The following FAT3 variants were observed in gnomAD, a reference collection of about 807,000 sequenced individuals.
The protein encoded by FAT3 is protocadherin Fat 3.
FAT3 carries 95 observed loss-of-function variants against 310.2 expected under a neutral mutation model. The ratio of observed to expected loss-of-function variants is 0.31; its 90% CI spans 0.26 to 0.36. FAT3 has a LOEUF of 0.36. Among genes scored for constraint, FAT3 ranks in the 10% least tolerant of loss-of-function variants. The probability of loss-of-function intolerance (pLI) is 1.00; values close to 1 mark genes in which losing one functional copy is unlikely to be tolerated. For missense variants in FAT3, 5,408 were observed against 5,715.6 expected (o/e 0.95, Z 1.74); for synonymous variants, 2,314 against 2,192.9 (o/e 1.06, Z -1.54).
At chr11:92,595,593 A>G (rs1345393884) in intron 3 of FAT3, among the ~76,000 whole-genome samples, 1 of 152,204 alleles carries the variant, frequency 6.6e-6, no homozygotes, top group Non-Finnish European at 1.5e-5. Context: ...AGAAAAGAAC[A>G]AGACCTTTGT....
At chr11:92,873,948 T>TC (rs1949458124) in intron 22 of FAT3, among the ~76,000 whole-genome samples, 1 of 152,206 alleles carries the variant, frequency 6.6e-6, no homozygotes, top group African/African-American at 2.4e-5. Flanking sequence ...GTGAAACCCA[T>TC]CTTATTGACG....
At chr11:92,567,389 G>C (rs1165077974) in intron 3 of FAT3, among the ~76,000 whole-genome samples, 1 of 150,796 alleles carries the variant, frequency 6.6e-6, no homozygotes, top group Non-Finnish European at 1.5e-5. Context: ...GGAATCAACA[G>C]GTGCTGGAGA....
intron 3 of FAT3, among the ~76,000 whole-genome samples, chr11:92,571,851 G>A (rs537670686): frequency 9.2e-5 from 14 of 152,194 alleles, no homozygotes; most frequent in South Asian, 8.3e-4. Flanking sequence ...TCACTATCCC[G>A]TTTTTTCTCA....
chr11:92,491,364 G>A (rs1952593158), intron 2 of FAT3, among the ~76,000 whole-genome samples: 1 of 152,024 alleles, frequency 6.6e-6, no homozygotes, highest in South Asian at 2.1e-4. Flanking sequence ...GCAATACACA[G>A]GAGAGCCCTA....
chr11:92,679,061 C>T (rs985773557), intron 3 of FAT3, among the ~76,000 whole-genome samples: 2 of 152,230 alleles, frequency 1.3e-5, no homozygotes, highest in South Asian at 4.1e-4. Flanking sequence ...ATTTGACATT[C>T]TTTGGCTGGC....
intron 2 of FAT3, among the ~76,000 whole-genome samples, chr11:92,493,663 T>C (rs1409424703): frequency 6.6e-6 from 1 of 152,066 alleles, no homozygotes; most frequent in Non-Finnish European, 1.5e-5. Context: ...GATTTTTGAG[T>C]TCCTAGGTGA....
chr11:92,895,919 T>TACACACACACACACACACACAC lies in FAT3; in HGVS notation c.*4827_*4828insCACACACACACACACACACACA, dbSNP rs3029101. On this transcript the variant is annotated 3_prime_UTR_variant, in exon 28 of 28. Transcript: ENST00000525166. ...TTGGTCTGCAAACTTTTGAGGTAAC[T>TACACACACACACACACACACAC]ACACACACACACACACACACAAGGA... The TACACACACACACACACACACAC allele has an allele frequency of 6.7e-6, 1 of 149,924 alleles. No individual in the cohort carries two copies. The highest frequency in any genetic ancestry group is 1.5e-5 in the Non-Finnish European group (1 of 67,492). The allele number at this position is 149,924 out of a possible 1,614,324, so 9.3% of individuals were successfully genotyped here.
intron 2 of FAT3, among the ~76,000 whole-genome samples, chr11:92,484,489 G>T (rs914152983): frequency 2.0e-5 from 3 of 152,100 alleles, no homozygotes. Context: ...ACTCAAAATC[G>T]TTCTGGGAAA....
At chr11:92,813,764 G>A (rs897351399) in intron 13 of FAT3, among the ~76,000 whole-genome samples, 2 of 152,188 alleles carry the variant, frequency 1.3e-5, no homozygotes, top group African/African-American at 4.8e-5. Context: ...TCCTGCTGAA[G>A]ATCATTGGCT....
At chr11:92,473,752 A>C (rs1280370417) in intron 2 of FAT3, among the ~76,000 whole-genome samples, 1 of 152,220 alleles carries the variant, frequency 6.6e-6, no homozygotes, top group South Asian at 2.1e-4. Context: ...TCTCACAGAG[A>C]AAAAGACCTT....
chr11:92,437,678 G>C (rs638465), intron 2 of FAT3, among the ~76,000 whole-genome samples: 131,977 of 152,162 alleles, frequency 0.87, 57,302 homozygotes, highest in Admixed American at 0.89. Context: ...GTAAAGAAGA[G>C]ACAGAGGCAG....
At position 92,836,670 on chromosome 11, in the gene FAT3, T is replaced by C. The variant is rs768417542; in HGVS notation, c.10191T>C (p.Leu3397=). Residue 3397 remains leucine (L), a synonymous_variant, in exon 16 of 28, where the codon CTT becomes CTC. Coordinates refer to ENST00000525166, the MANE Select transcript of FAT3 (RefSeq NM_001367949.2). ...TTACTGTAGATCCTGTCTTGGGACTTGTGAAAGTTAAGAAGAAATTGGACC... is the reference window on the plus strand; with the variant it reads ...TTACTGTAGATCCTGTCTTGGGACTCGTGAAAGTTAAGAAGAAATTGGACC... ...NEFTVDPVLG[L]VKVKKKLDRE... The C allele has an allele frequency of 1.2e-5, 19 of 1,613,344 alleles. No individual in the cohort carries two copies. The highest frequency in any genetic ancestry group is 2.7e-5 in the African/African-American group (2 of 74,882).
Position 92,720,269 on chromosome 11 carries a change from C to G in FAT3, c.3669+22824C>G, listed in dbSNP as rs149908087. Among the ~76,000 whole-genome samples, 455 of 152,280 alleles carry G rather than the reference C, an allele frequency of 3.0e-3. 2 individuals are homozygous for G. The highest frequency in any genetic ancestry group is 0.01 in the African/African-American group (424 of 41,548). On this transcript the variant is annotated intron_variant, in intron 4 of 27. Transcript: ENST00000525166. ...AATTACCAATTGATCTTCACGAGCACTTTAATATCTTTGAATCTCTGGGAT... is the reference window on the plus strand; with the variant it reads ...AATTACCAATTGATCTTCACGAGCAGTTTAATATCTTTGAATCTCTGGGAT...
intron 19 of FAT3, among the ~76,000 whole-genome samples, chr11:92,853,745 A>G (rs1456530313): frequency 6.6e-6 from 1 of 152,176 alleles, no homozygotes; most frequent in Non-Finnish European, 1.5e-5. Flanking sequence ...TGCAGCTGCT[A>G]GTCTGGATAT....
intron 3 of FAT3, among the ~76,000 whole-genome samples, chr11:92,629,973 T>A (rs1490514457): frequency 6.6e-6 from 1 of 152,208 alleles, no homozygotes; most frequent in Admixed American, 6.5e-5. Flanking sequence ...TTTGTTTTTT[T>A]TAGCAAGCTC....
rs778461689 is a variant in FAT3, at chr11:92,866,777, G to A, written c.11695G>A (p.Gly3899Ser). The A allele has an allele frequency of 4.3e-6, 7 of 1,613,592 alleles. No homozygotes were observed. The highest frequency in any genetic ancestry group is 4.5e-5 in the East Asian group (2 of 44,876). ...DGKLWFQLDCGSGPGILGISG... is the reference protein window; with the variant it reads ...DGKLWFQLDCSSGPGILGISG... ...CAAGCTGTGGTTCCAGCTGGACTGC[G>A]GCAGCGGCCCTGGAATCTTGGGCAT... is the stretch of plus-strand genomic sequence containing the variant. Residue 3899 changes from glycine to serine, a missense_variant, in exon 22 of 28, where the codon GGC becomes AGC. Physicochemically the swap from Gly to Ser is moderately conservative, Grantham distance 56 (BLOSUM62 0). Coordinates refer to ENST00000525166, the MANE Select transcript of FAT3 (RefSeq NM_001367949.2).
chr11:92,828,221 C>G (rs538215286), intron 13 of FAT3, among the ~76,000 whole-genome samples: 1 of 151,992 alleles, frequency 6.6e-6, no homozygotes, highest in Non-Finnish European at 1.5e-5. Flanking sequence ...AGCAACATGA[C>G]CTGCATTCCT....
intron 15 of FAT3, among the ~76,000 whole-genome samples, chr11:92,836,259 T>A (rs538174527): frequency 6.6e-6 from 1 of 152,316 alleles, no homozygotes; most frequent in East Asian, 1.9e-4. Flanking sequence ...AAAGCGTTCC[T>A]GTCCATTAGC....
chr11:92,558,759 A>G (rs557520368), intron 3 of FAT3, among the ~76,000 whole-genome samples: 1 of 152,056 alleles, frequency 6.6e-6, no homozygotes, highest in Non-Finnish European at 1.5e-5. Flanking sequence ...GGAAAACTGT[A>G]CTCCTCGGCG....
Sources: allele counts gnomAD v4.1 joint callset (sites outside exome capture counted in the v4.1 genomes callset), GRCh38; gene constraint gnomAD v4.1.1; transcripts MANE v1.5; gene names NCBI Gene and HGNC (gene_info 2026-07-23, HGNC 2026-07-21).